Variants in SIN3A observed in about 807,000 individuals in gnomAD.
The protein encoded by SIN3A is SIN3 transcription regulator family member A.
A neutral mutation model predicts 146.1 loss-of-function variants in SIN3A; 14 were observed. That is an observed-to-expected ratio of 0.10 (90% CI 0.06 to 0.15). The LOEUF (loss-of-function observed/expected upper bound fraction) is 0.15. SIN3A is among the 10% of genes least tolerant of loss of function. The probability of loss-of-function intolerance (pLI) is 1.00; values close to 1 mark genes in which losing one functional copy is unlikely to be tolerated. For missense variants in SIN3A, 1,028 were observed against 1,576.0 expected (o/e 0.65, Z 5.89); for synonymous variants, 572 against 572.0 (o/e 1.00, Z 0.00).
intron 12 of SIN3A, among the ~76,000 whole-genome samples, chr15:75,399,464 C>A (rs1212489460): frequency 9.9e-5 from 15 of 151,948 alleles, no homozygotes; most frequent in Admixed American, 5.2e-4. Context: ...GGAGGCAGAG[C>A]TTGCAGTGAG....
intron 1 of SIN3A, among the ~76,000 whole-genome samples, chr15:75,433,105 C>T (rs373390816): frequency 3.3e-5 from 5 of 152,022 alleles, no homozygotes; most frequent in East Asian, 3.9e-4. Context: ...GAGCACGGCA[C>T]GACTATAGAA....
At chr15:75,402,515 C>G (rs143165132) in intron 9 of SIN3A, among the ~76,000 whole-genome samples, 1 of 151,782 alleles carries the variant, frequency 6.6e-6, no homozygotes, top group South Asian at 2.1e-4. Context: ...AAGACTCTGT[C>G]TCATAAGTAA....
At chr15:75,387,460 A>G (rs2073107670) in intron 16 of SIN3A, among the ~76,000 whole-genome samples, 1 of 146,088 alleles carries the variant, frequency 6.8e-6, no homozygotes, top group South Asian at 2.2e-4. Context: ...TGATCACACC[A>G]CTGCACTCCA....
chr15:75,401,900 T>G lies in SIN3A; in HGVS notation c.1478A>C (p.Glu493Ala). ...CACAAGCTCAGCACGAGAGATCACC[T>G]CCTGGTTAAAAATAACAAGACAGCG... is the stretch of plus-strand genomic sequence containing the variant. ...FLRCLVIFNQ[E>A]VISRAELVQL... Residue 493 changes from glutamate (E) to alanine (A), a missense_variant, in exon 10 of 21, where the codon GAG (glutamate) becomes GCG (alanine). By Grantham distance (107) the Glu-to-Ala change is moderately radical (BLOSUM62 -1). Around this residue, in one of 9 missense-constraint regions of SIN3A, gnomAD observed 157 missense variants for 284.8 expected, o/e 0.55. Coordinates refer to ENST00000394947, the MANE Select transcript of SIN3A (RefSeq NM_001145358.2). The G allele has an allele frequency of 6.2e-7, 1 of 1,614,028 alleles. No homozygotes were observed. Among genetic ancestry groups the G allele is most frequent in the African/African-American group, 1.3e-5 (1 of 75,048 alleles).
intron 4 of SIN3A, 107 bp from the exon 5 acceptor site, chr15:75,413,152 G>T: frequency 8.9e-7 from 1 of 1,119,358 alleles, no homozygotes; most frequent in Non-Finnish European, 1.2e-6. Context: ...TCACTCTGTT[G>T]CCCAGGCTGG....
At position 75,451,563 on chromosome 15, in the gene SIN3A, A is replaced by T. The variant is rs2074410544; in HGVS notation, c.-174T>A. 7.3e-6 allele frequency: 1 copy of T among 137,138 alleles called. No homozygotes were observed. 8.5% of individuals were successfully genotyped at this position (137,138 alleles called of 1,614,324 possible). A position where few individuals can be genotyped will look rare whatever the true frequency, so the allele number is the denominator to read the frequency against. ...CTACCTCTCCACTAACGAAGCGGTC[A>T]CAGGCTCCGGTGCCCAGACTGGGAA... On this transcript the variant is annotated 5_prime_UTR_variant, in exon 1 of 21. Coordinates refer to ENST00000394947, the MANE Select transcript of SIN3A (RefSeq NM_001145358.2).
rs28716862 is a variant in SIN3A at position 75,436,151 on chromosome 15, A to G, written c.-33-5743T>C. 2.6e-5 allele frequency among the ~76,000 whole-genome samples: 4 copies of G among 151,942 alleles called. No individual in the cohort carries two copies. The South Asian group carries it at 8.3e-4, about 31-fold the overall frequency. On this transcript the variant is annotated intron_variant, in intron 1 of 20. Coordinates refer to ENST00000394947, the MANE Select transcript of SIN3A (RefSeq NM_001145358.2). ...TCTGTCTCAAAAAAAAAACAAAAAAAACAAAAAAGAAAAAGACAAAGAAAA... is the reference window on the plus strand; with the variant it reads ...TCTGTCTCAAAAAAAAAACAAAAAAGACAAAAAAGAAAAAGACAAAGAAAA...
At position 75,411,665 on chromosome 15, in the gene SIN3A, G is replaced by A. The variant is rs752617475; in HGVS notation, c.835C>T (p.Pro279Ser). The change falls in exon 6 of 21, where the codon CCG becomes TCG. Residue 279 changes from proline (P) to serine (S), a missense_variant. Pro to Ser is a moderately conservative substitution (Grantham distance 74). Transcript: ENST00000394947. ...LPPYASPRSPPVQPHTPVTIS... is the reference protein window; with the variant it reads ...LPPYASPRSPSVQPHTPVTIS... Reference sequence around the variant, plus strand: ...GTCACTGGTGTGTGAGGCTGGACCGGCGGAGAACGTGGGGATGCATACGGT... The same window carrying A: ...GTCACTGGTGTGTGAGGCTGGACCGACGGAGAACGTGGGGATGCATACGGT... The A allele has an allele frequency of 4.3e-5, 70 of 1,614,032 alleles. No homozygotes were observed. The highest frequency in any genetic ancestry group is 1.4e-4 in the South Asian group (13 of 91,066).
intron 18 of SIN3A, 139 bp downstream of exon 18, chr15:75,381,474 T>A (rs2072967596): frequency 7.7e-6 from 5 of 650,638 alleles, no homozygotes; most frequent in Middle Eastern, 4.3e-4. Flanking sequence ...TGGATTGACT[T>A]GTACTTTAAG....
chr15:75,432,146 C>A (rs1303140443), intron 1 of SIN3A, among the ~76,000 whole-genome samples: 2 of 152,150 alleles, frequency 1.3e-5, no homozygotes, highest in African/African-American at 2.4e-5. Flanking sequence ...ATTCAAAAAC[C>A]TTTTAGACAT....
At chr15:75,449,497 T>A (rs971556865) in intron 1 of SIN3A, among the ~76,000 whole-genome samples, 2 of 152,236 alleles carry the variant, frequency 1.3e-5, no homozygotes, top group Non-Finnish European at 2.9e-5. Flanking sequence ...ATGTATCAAG[T>A]GAAAGCAAAA....
At chr15:75,426,920 ACT>A (rs2141557527) in intron 2 of SIN3A, among the ~76,000 whole-genome samples, 1 of 151,746 alleles carries the variant, frequency 6.6e-6, no homozygotes, top group Admixed American at 6.6e-5. Flanking sequence ...CGAGAGTGTG[ACT>A]CTGTCTCAAA....
chr15:75,402,204 A>G lies in SIN3A; in HGVS notation c.1408-234T>C, dbSNP rs554792754. ...TATATTGCCCAGCTGCCCTGCCATTAGTTTTTAAAAACTGGGGAAATTTGT... is the reference window on the plus strand; with the variant it reads ...TATATTGCCCAGCTGCCCTGCCATTGGTTTTTAAAAACTGGGGAAATTTGT... On this transcript the variant is annotated intron_variant, in intron 9 of 20. Transcript: ENST00000394947. 2.0e-5 allele frequency among the ~76,000 whole-genome samples: 3 copies of G among 151,992 alleles called. No homozygotes were observed. In the East Asian group the frequency reaches 5.8e-4, roughly 29 times the overall value.
At chr15:75,390,305 C>CA (rs1169183108) in intron 15 of SIN3A, among the ~76,000 whole-genome samples, 1 of 152,166 alleles carries the variant, frequency 6.6e-6, no homozygotes, top group African/African-American at 2.4e-5. Context: ...CTTGGGAACA[C>CA]AAAAATAGGA....
intron 5 of SIN3A, 41 bp downstream of exon 5, chr15:75,412,722 G>C (rs749338697): frequency 1.3e-6 from 2 of 1,507,494 alleles, no homozygotes; most frequent in Admixed American, 4.4e-5. Context: ...GTGCTCTCTA[G>C]GGATGCATTC....
chr15:75,414,828 AC>A (rs1291174549), intron 3 of SIN3A, among the ~76,000 whole-genome samples: 1 of 152,218 alleles, frequency 6.6e-6, no homozygotes, highest in Non-Finnish European at 1.5e-5. Context: ...CCTAAAGATG[AC>A]TATAAGCTAG....
intron 3 of SIN3A, chr15:75,419,963 C>G (rs746177116): frequency 2.0e-5 from 3 of 152,120 alleles, no homozygotes; most frequent in Non-Finnish European, 2.9e-5. Flanking sequence ...CATAGTCCAA[C>G]TCTTATATAA....
rs182338539 is a variant in SIN3A at position 75,402,258 on chromosome 15, T to C, written c.1408-288A>G. Among the ~76,000 whole-genome samples, 561 of 152,254 alleles carry C rather than the reference T, an allele frequency of 3.7e-3. 3 individuals carry two copies. The highest frequency in any genetic ancestry group is 5.7e-3 in the Non-Finnish European group (391 of 68,012). ...TGGGCGTGGTGGCTCATGCCTATAA[T>C]CCCAGCACTTTGGGAGGCCAAGGTG... On this transcript the variant is annotated intron_variant, in intron 9 of 20. Transcript: ENST00000394947.
chr15:75,374,384 T>C (rs1010652536), intron 20 of SIN3A, among the ~76,000 whole-genome samples: 2 of 152,172 alleles, frequency 1.3e-5, no homozygotes, highest in Admixed American at 1.3e-4. Context: ...AAACTCTGTC[T>C]CAAAAATAAA....
Sources: gnomAD v4.1 joint callset for allele counts (sites outside exome capture counted in the v4.1 genomes callset) on GRCh38, gnomAD v4.1.1 for gene constraint, gnomAD v4.1.1 regional missense constraint, MANE v1.5 for transcripts, NCBI Gene and HGNC (gene_info 2026-07-23, HGNC 2026-07-21) for gene names.